Variants in FOXK2 observed in about 807,000 individuals in gnomAD.
FOXK2 encodes forkhead box protein K2.
Under a neutral mutation model 53.3 loss-of-function variants are expected in FOXK2, and 24 were observed. The ratio of observed to expected loss-of-function variants is 0.45; its 90% CI spans 0.33 to 0.63. The LOEUF is 0.63. Among genes scored for constraint, FOXK2 ranks in the 30% least tolerant of loss-of-function variants. The pLI is 0.03. For synonymous variants in FOXK2, 505 were observed against 407.1 expected, an observed-to-expected ratio of 1.24 and a Z score of -2.89; for missense variants, 952 against 910.5, an observed-to-expected ratio of 1.05 and a Z score of -0.59.
At position 82,603,433 on chromosome 17, in the gene FOXK2, TAGG is replaced by T. The variant is rs2045409983; in HGVS notation, c.*1937_*1939del. ...ACAGCTGATGGGGTTCTCTGATTGATAGGAGACGAGCTCTTGAGCTCTAAGGAA... is the reference window on the plus strand; with the variant it reads ...ACAGCTGATGGGGTTCTCTGATTGATAGACGAGCTCTTGAGCTCTAAGGAA... On this transcript the variant is annotated 3_prime_UTR_variant, in exon 9 of 9. Coordinates refer to ENST00000335255, the MANE Select transcript of FOXK2 (RefSeq NM_004514.4). The T allele has an allele frequency of 1.3e-5, 2 of 152,230 alleles. No individual in the cohort carries two copies. 9.4% of individuals were successfully genotyped at this position (152,230 alleles called of 1,614,324 possible). A position where few individuals can be genotyped will look rare whatever the true frequency, so the allele number is the denominator to read the frequency against.
Position 82,520,065 on chromosome 17 carries a change from C to T in FOXK2, c.177C>T (p.Asn59=). The change falls in exon 1 of 9, where the codon AAC becomes AAT. Residue 59 remains asparagine, a synonymous_variant. Coordinates refer to ENST00000335255, the MANE Select transcript of FOXK2 (RefSeq NM_004514.4). ...AGCGCTCGGTGACCATCGGCCGCAA[C>T]TCGTCGCAGGGCTCGGTGGACGTGA... The part of the protein sequence containing the change: ...MKKRSVTIGR[N]SSQGSVDVSM... 1 of 1,542,758 alleles carries T rather than the reference C, an allele frequency of 6.5e-7. No homozygotes were observed. The highest frequency in any genetic ancestry group is 8.7e-7 in the Non-Finnish European group (1 of 1,146,590).
intron 1 of FOXK2, among the ~76,000 whole-genome samples, chr17:82,527,965 T>C (rs2044434705): frequency 6.6e-6 from 1 of 152,138 alleles, no homozygotes; most frequent in South Asian, 2.1e-4. Flanking sequence ...CATTCAGGGC[T>C]AATTTATTTT....
intron 8 of FOXK2, among the ~76,000 whole-genome samples, chr17:82,591,338 T>C (rs1340914789): frequency 6.6e-6 from 1 of 151,890 alleles, no homozygotes; most frequent in Non-Finnish European, 1.5e-5. Flanking sequence ...TTCACCAGGG[T>C]GGCCCCTGGT....
In FOXK2 at chr17:82,586,454, G is replaced by T. The variant is rs113031309; in HGVS notation, c.1576+254G>T. 3.8e-3 allele frequency among the ~76,000 whole-genome samples: 237 copies of T among 62,838 alleles called. 37 individuals carry two copies. The highest frequency in any genetic ancestry group is 0.028 in the Middle Eastern group (1 of 36). The allele number at this position is 62,838 out of a possible 152,430, so 41.2% of individuals were successfully genotyped here. ...ACAGGGAGGTCAAAGGTGGGCCGGG[G>T]GGGGAAAGGAGGAGAGGGGAGACCA... is the stretch of plus-strand genomic sequence containing the variant. On this transcript the variant is annotated intron_variant, in intron 7 of 8. Transcript: ENST00000335255.
intron 1 of FOXK2, among the ~76,000 whole-genome samples, chr17:82,552,734 C>A (rs756829370): frequency 6.6e-6 from 1 of 152,020 alleles, no homozygotes; most frequent in Non-Finnish European, 1.5e-5. Context: ...CGTTTTGTGC[C>A]GTGGACAATG....
At chr17:82,542,447 T>C (rs959810591) in intron 1 of FOXK2, among the ~76,000 whole-genome samples, 3 of 152,164 alleles carry the variant, frequency 2.0e-5, no homozygotes, top group African/African-American at 7.2e-5. Context: ...ATTACAGACG[T>C]GAGCCACCAT....
In FOXK2 at chr17:82,586,450, CGG is replaced by C. The variant is rs61029548; in HGVS notation, c.1576+257_1576+258del. ...GACCACAGGGAGGTCAAAGGTGGGCCGGGGGGGGAAAGGAGGAGAGGGGAGAC... is the reference window on the plus strand; with the variant it reads ...GACCACAGGGAGGTCAAAGGTGGGCCGGGGGGAAAGGAGGAGAGGGGAGAC... On this transcript the variant is annotated intron_variant, in intron 7 of 8. Coordinates refer to ENST00000335255, the MANE Select transcript of FOXK2 (RefSeq NM_004514.4). Among the ~76,000 whole-genome samples, 7 of 1,620 alleles carry C rather than the reference CGG, an allele frequency of 4.3e-3. 1 individual carries two copies. The highest frequency in any genetic ancestry group is 5.5e-3 in the Non-Finnish European group (5 of 914). The allele number at this position is 1,620 out of a possible 152,430, so 1.1% of individuals were successfully genotyped here.
intron 1 of FOXK2, among the ~76,000 whole-genome samples, chr17:82,534,746 G>A (rs932328298): frequency 6.6e-6 from 1 of 152,176 alleles, no homozygotes; most frequent in African/African-American, 2.4e-5. Context: ...AGATGGTAAC[G>A]AACTCGTTGA....
chr17:82,561,915 G>A (rs972108889), intron 1 of FOXK2, among the ~76,000 whole-genome samples: 1 of 151,652 alleles, frequency 6.6e-6, no homozygotes, highest in African/African-American at 2.4e-5. Context: ...TGGGGGGGGG[G>A]GGTGCCCGCA....
At chr17:82,536,741 T>G (rs879293270) in intron 1 of FOXK2, among the ~76,000 whole-genome samples, 2 of 152,230 alleles carry the variant, frequency 1.3e-5, no homozygotes, top group Non-Finnish European at 2.9e-5. Context: ...TGTGTAGCTT[T>G]CTGAATTTTC....
chr17:82,575,932 C>T (rs2044977423), intron 4 of FOXK2, among the ~76,000 whole-genome samples: 1 of 145,800 alleles, frequency 6.9e-6, no homozygotes, highest in Admixed American at 6.9e-5. Flanking sequence ...GCTTGGGTGG[C>T]GGCGGCGGGT....
At chr17:82,555,292 C>T (rs902645463) in intron 1 of FOXK2, among the ~76,000 whole-genome samples, 6 of 152,202 alleles carry the variant, frequency 3.9e-5, no homozygotes, top group African/African-American at 4.8e-5. Context: ...GCCCTGCAGC[C>T]ATGTGGGGAA....
intron 2 of FOXK2, among the ~76,000 whole-genome samples, chr17:82,566,172 G>T (rs1157869833): frequency 6.6e-6 from 1 of 152,018 alleles, no homozygotes; most frequent in Non-Finnish European, 1.5e-5. Context: ...GTGTGAATGC[G>T]CTTCATGCTG....
intron 2 of FOXK2, among the ~76,000 whole-genome samples, chr17:82,566,510 G>A (rs188451053): frequency 6.6e-6 from 1 of 152,234 alleles, no homozygotes. Flanking sequence ...CAGTCCTGCC[G>A]CCCAGTGCTT....
intron 1 of FOXK2, among the ~76,000 whole-genome samples, chr17:82,536,122 C>G (rs975214712): frequency 6.6e-6 from 1 of 152,140 alleles, no homozygotes; most frequent in Admixed American, 6.6e-5. Context: ...AGGTGATCTG[C>G]CCATCTCGGC....
chr17:82,520,325 G>A lies in FOXK2; in HGVS notation c.419+18G>A. The A allele has an allele frequency of 8.0e-7, 1 of 1,253,886 alleles. No homozygotes were observed. The highest frequency in any genetic ancestry group is 1.0e-6 in the Non-Finnish European group (1 of 994,554). The allele number at this position is 1,253,886 out of a possible 1,614,324, so 77.7% of individuals were successfully genotyped here. A position where few individuals can be genotyped will look rare whatever the true frequency, so the allele number is the denominator to read the frequency against. On this transcript the variant is annotated intron_variant, in intron 1 of 8. Coordinates refer to ENST00000335255, the MANE Select transcript of FOXK2 (RefSeq NM_004514.4). Reference sequence around the variant, plus strand: ...CCGCGCGTGTGAGTGGCCTCGGGGCGGGGCGGGCGGGGTCTGCGGCCTGCA... The same window carrying A: ...CCGCGCGTGTGAGTGGCCTCGGGGCAGGGCGGGCGGGGTCTGCGGCCTGCA...
intron 1 of FOXK2, among the ~76,000 whole-genome samples, chr17:82,530,454 AAAAAAAAAAAAAG>A (rs1314909143): frequency 2.8e-5 from 4 of 143,308 alleles, no homozygotes; most frequent in African/African-American, 7.7e-5. Flanking sequence ...CTAAAAAAAA[AAAAAAAAAAAAAG>A]AGAGAGAAAA....
chr17:82,523,728 C>G (rs958861842), intron 1 of FOXK2, among the ~76,000 whole-genome samples: 2 of 151,620 alleles, frequency 1.3e-5, no homozygotes, highest in Non-Finnish European at 2.9e-5. Context: ...CTGCTCACCT[C>G]CGCCTCCCAA....
intron 4 of FOXK2, among the ~76,000 whole-genome samples, chr17:82,579,001 C>T (rs181550094): frequency 1.3e-5 from 2 of 152,182 alleles, no homozygotes; most frequent in East Asian, 1.9e-4. Flanking sequence ...GCCTTCACTT[C>T]GGGGCTTGTT....
Sources: allele counts gnomAD v4.1 joint callset (sites outside exome capture counted in the v4.1 genomes callset), GRCh38; gene constraint gnomAD v4.1.1; transcripts MANE v1.5; gene names NCBI Gene and HGNC (gene_info 2026-07-23, HGNC 2026-07-21).